The following TMIGD3 variants were observed in gnomAD, a reference collection of about 807,000 sequenced individuals.
The protein encoded by TMIGD3 is transmembrane and immunoglobulin domain containing 3.
TMIGD3 carries 21 observed loss-of-function variants against 28.1 expected under a neutral mutation model. That is an observed-to-expected ratio of 0.75 (90% CI 0.53 to 1.08). TMIGD3 has a LOEUF of 1.08. TMIGD3 is among the 50% of genes least tolerant of loss of function. The pLI, the probability that TMIGD3 is intolerant of heterozygous loss-of-function variation, is 0.00. For synonymous variants in TMIGD3, 151 were observed against 162.1 expected, an observed-to-expected ratio of 0.93 and a Z score of 0.52; for missense variants, 416 against 435.6, an observed-to-expected ratio of 0.96 and a Z score of 0.40.
exon 1 of TMIGD3, chr1:111,563,950 C>T (rs760053434): frequency 6.2e-7 from 1 of 1,612,622 alleles, no homozygotes; most frequent in Admixed American, 1.7e-5. Flanking sequence ...GAGACCCTTC[C>T]ATTGGTCCAA....
At chr1:111,513,908 G>T (rs1216228631) in intron 1 of TMIGD3, among the ~76,000 whole-genome samples, 4 of 152,210 alleles carry the variant, frequency 2.6e-5, no homozygotes, top group African/African-American at 9.6e-5. Flanking sequence ...GGGAGGCAGG[G>T]CATCCCCTAG....
chr1:111,507,037 GTGTATA>G (rs1235155305), upstream of TMIGD3, among the ~76,000 whole-genome samples: 22 of 48,646 alleles, frequency 4.5e-4, no homozygotes, highest in African/African-American at 9.1e-4. Flanking sequence ...GTGTGTGTGT[GTGTATA>G]TATATATATA....
chr1:111,533,796 C>T (rs571671217), intron 1 of TMIGD3, among the ~76,000 whole-genome samples: 1 of 152,284 alleles, frequency 6.6e-6, no homozygotes, highest in South Asian at 2.1e-4. Context: ...CTCAAGTGAT[C>T]CACCCACCTC....
chr1:111,502,896 C>T, intron 1 of TMIGD3, 109 bp downstream of exon 1: 3 of 1,385,368 alleles, frequency 2.2e-6, no homozygotes, highest in Non-Finnish European at 2.9e-6. Context: ...CCTCTTTCAA[C>T]ATCAAGGGCC....
At chr1:111,508,143 T>C (rs753214479), upstream of TMIGD3, among the ~76,000 whole-genome samples, 1 of 152,252 alleles carries the variant, frequency 6.6e-6, no homozygotes, top group Non-Finnish European at 1.5e-5. Flanking sequence ...CAGGAAATCC[T>C]GCCCCACGAA....
At position 111,553,243 on chromosome 1, in the gene TMIGD3, A is replaced by G. The variant is rs533129694; in HGVS notation, c.107+10603T>C. Among the ~76,000 whole-genome samples the G allele has an allele frequency of 9.2e-5, 14 of 152,384 alleles. No individual in the cohort carries two copies. In the South Asian group the frequency reaches 1.0e-3, roughly 11 times the overall value. On this transcript the variant is annotated intron_variant, in intron 1 of 5. Transcript: ENST00000369717. ...TCTTTCTCCAAGGCAAAGGCCAGGC[A>G]GGTATGCACACATTCCATTATAGAA...
intron 1 of TMIGD3, among the ~76,000 whole-genome samples, chr1:111,553,577 A>T (rs988076977): frequency 4.6e-5 from 7 of 152,152 alleles, no homozygotes; most frequent in African/African-American, 1.7e-4. Context: ...CTTAAACCTA[A>T]TTTCTACTGG....
intron 1 of TMIGD3, among the ~76,000 whole-genome samples, chr1:111,523,396 TG>T (rs1401451068): frequency 6.6e-6 from 1 of 152,334 alleles, no homozygotes; most frequent in Non-Finnish European, 1.5e-5. Context: ...AAAGATTTTA[TG>T]GTTCTTTTCC....
At chr1:111,492,954 A>C (rs927900537) in intron 1 of TMIGD3, among the ~76,000 whole-genome samples, 1 of 152,152 alleles carries the variant, frequency 6.6e-6, no homozygotes, top group Non-Finnish European at 1.5e-5. Flanking sequence ...ATTTAGATGT[A>C]TAAATAGGAA....
chr1:111,488,291 C>T (rs1447378549), intron 3 of TMIGD3, among the ~76,000 whole-genome samples: 2 of 152,022 alleles, frequency 1.3e-5, no homozygotes, highest in South Asian at 2.1e-4. Context: ...GGCGCAATCT[C>T]GGCTCACTGC....
At chr1:111,507,102 A>G (rs116179227), upstream of TMIGD3, among the ~76,000 whole-genome samples, 1,664 of 149,850 alleles carry the variant, frequency 0.011, 21 homozygotes, top group African/African-American at 0.039. Context: ...TTTCCCACCT[A>G]AAAGAAAGGC....
upstream of TMIGD3, chr1:111,503,974 G>GAT (rs1038463249): frequency 2.0e-5 from 20 of 985,426 alleles, no homozygotes; most frequent in African/African-American, 3.1e-4. Context: ...AAGATCTCAT[G>GAT]ATAAGGAGGC....
At chr1:111,534,086 T>C (rs1230082872) in intron 1 of TMIGD3, among the ~76,000 whole-genome samples, 1 of 152,182 alleles carries the variant, frequency 6.6e-6, no homozygotes, top group African/African-American at 2.4e-5. Context: ...ATAAGAACGA[T>C]ATAGATATTA....
At chr1:111,535,701 C>T (rs187673612) in intron 1 of TMIGD3, among the ~76,000 whole-genome samples, 26 of 152,316 alleles carry the variant, frequency 1.7e-4, no homozygotes, top group African/African-American at 5.8e-4. Context: ...TTGGAATGTG[C>T]TGCTTGTTTC....
intron 5 of TMIGD3, among the ~76,000 whole-genome samples, chr1:111,483,965 T>G (rs940851237): frequency 5.9e-5 from 9 of 152,214 alleles, no homozygotes; most frequent in Non-Finnish European, 1.2e-4. Flanking sequence ...AGGGCTTGCA[T>G]TCACCTCTGT....
intron 1 of TMIGD3, among the ~76,000 whole-genome samples, chr1:111,539,831 G>A (rs1051464383): frequency 6.6e-6 from 1 of 152,216 alleles, no homozygotes; most frequent in Non-Finnish European, 1.5e-5. Flanking sequence ...AGGGAGGCTG[G>A]TGATGCAGTG....
chr1:111,524,860 T>C (rs1449981027), intron 1 of TMIGD3, among the ~76,000 whole-genome samples: 2 of 152,218 alleles, frequency 1.3e-5, no homozygotes, highest in African/African-American at 4.8e-5. Context: ...CTTCAAGCCA[T>C]CTGCCTGACT....
chr1:111,556,986 A>T (rs141222749), intron 1 of TMIGD3, among the ~76,000 whole-genome samples: 1 of 152,312 alleles, frequency 6.6e-6, no homozygotes, highest in East Asian at 1.9e-4. Context: ...CAGAACTGAT[A>T]AAAGATGCAA....
intron 1 of TMIGD3, among the ~76,000 whole-genome samples, chr1:111,502,613 C>T (rs1655297134): frequency 6.7e-6 from 1 of 150,020 alleles, no homozygotes; most frequent in South Asian, 2.1e-4. Flanking sequence ...TTTATCTCCT[C>T]TTATGTTTAT....
Sources: allele counts gnomAD v4.1 joint callset (sites outside exome capture counted in the v4.1 genomes callset), GRCh38; gene constraint gnomAD v4.1.1; transcripts MANE v1.5; gene names NCBI Gene and HGNC (gene_info 2026-07-23, HGNC 2026-07-21).